The following WWC1 variants were observed in gnomAD, a reference collection of about 807,000 sequenced individuals.
WWC1 encodes protein KIBRA.
A neutral mutation model predicts 138.4 loss-of-function variants in WWC1; 55 were observed. The ratio of observed to expected loss-of-function variants is 0.40; its 90% CI spans 0.32 to 0.50. The LOEUF (loss-of-function observed/expected upper bound fraction) is 0.50, where lower values mean the gene tolerates loss of function less well. Ranked by LOEUF, WWC1 falls within the 20% of genes least tolerant of loss-of-function variation. WWC1 has a pLI of 0.72. For missense variants in WWC1, 1,226 were observed against 1,420.4 expected (o/e 0.86, Z 2.20); for synonymous variants, 524 against 564.9 (o/e 0.93, Z 1.03).
chr5:168,333,304 A>G (rs933473977), intron 1 of WWC1, among the ~76,000 whole-genome samples: 5 of 152,200 alleles, frequency 3.3e-5, no homozygotes, highest in Non-Finnish European at 5.9e-5. Flanking sequence ...TCCCCTATGT[A>G]TAATGTCAAG....
At chr5:168,435,906 G>C (rs1782313710) in intron 15 of WWC1, among the ~76,000 whole-genome samples, 1 of 151,640 alleles carries the variant, frequency 6.6e-6, no homozygotes, top group Non-Finnish European at 1.5e-5. Context: ...GCAATGGCGT[G>C]ATCTTGGCTC....
At chr5:168,340,962 A>G (rs1773990606) in intron 1 of WWC1, among the ~76,000 whole-genome samples, 1 of 152,194 alleles carries the variant, frequency 6.6e-6, no homozygotes, top group Non-Finnish European at 1.5e-5. Flanking sequence ...ATTAGAACTC[A>G]GGTAGTCTGC....
At chr5:168,449,609 TG>T (rs1755613838) in intron 17 of WWC1, among the ~76,000 whole-genome samples, 1 of 145,902 alleles carries the variant, frequency 6.9e-6, no homozygotes, top group Non-Finnish European at 1.5e-5. Flanking sequence ...GTTTCACTCT[TG>T]TTGCCCAGGC....
Position 168,428,874 on chromosome 5 carries a change from C to T in WWC1, c.2000+87C>T, listed in dbSNP as rs538322452. On this transcript the variant is annotated intron_variant, in intron 13 of 22. Coordinates refer to ENST00000265293, the MANE Select transcript of WWC1 (RefSeq NM_015238.3). Reference sequence around the variant, plus strand: ...CAGCGTTCCCCAGCATTTACCTTCACAGCCGCCCAGGGTGGAAGGCAGCAC... The same window carrying T: ...CAGCGTTCCCCAGCATTTACCTTCATAGCCGCCCAGGGTGGAAGGCAGCAC... 1,895 of 1,426,638 alleles carry T rather than the reference C, an allele frequency of 1.3e-3. 7 individuals are homozygous for T. The highest frequency in any genetic ancestry group is 1.6e-3 in the Non-Finnish European group (1,677 of 1,021,552). The allele number at this position is 1,426,638 out of a possible 1,614,324, so 88.4% of individuals were successfully genotyped here.
At chr5:168,386,377 C>CTTTTTTTTTTTTTTTTT (rs59691686) in intron 3 of WWC1, among the ~76,000 whole-genome samples, 1 of 143,936 alleles carries the variant, frequency 6.9e-6, no homozygotes, top group Non-Finnish European at 1.5e-5. Context: ...TCCCCTTGTT[C>CTTTTTTTTTTTTTTTTT]TTTTTTTTTT....
At chr5:168,461,626 G>A (rs10040267) in intron 20 of WWC1, among the ~76,000 whole-genome samples, 47,778 of 152,156 alleles carry the variant, frequency 0.31, 8,760 homozygotes, top group Middle Eastern at 0.44. Flanking sequence ...GCAAAGGAGC[G>A]ACCCCTGATT....
At chr5:168,442,462 A>G (rs1321564499) in intron 16 of WWC1, among the ~76,000 whole-genome samples, 1 of 147,736 alleles carries the variant, frequency 6.8e-6, no homozygotes, top group Non-Finnish European at 1.5e-5. Flanking sequence ...AAAAAATTTA[A>G]TTAAAAAAAA....
chr5:168,445,973 A>T (rs1456288636), intron 17 of WWC1, among the ~76,000 whole-genome samples: 1 of 152,140 alleles, frequency 6.6e-6, no homozygotes, highest in African/African-American at 2.4e-5. Context: ...CCACACAGCA[A>T]CTTTTGCTTG....
intron 9 of WWC1, among the ~76,000 whole-genome samples, chr5:168,417,691 G>C (rs1479729446): frequency 6.6e-6 from 1 of 152,228 alleles, no homozygotes; most frequent in African/African-American, 2.4e-5. Context: ...GCTAGTACAG[G>C]GAGGCCAGAA....
intron 1 of WWC1, among the ~76,000 whole-genome samples, chr5:168,352,796 C>T (rs1224668645): frequency 6.6e-6 from 1 of 152,010 alleles, no homozygotes; most frequent in African/African-American, 2.4e-5. Context: ...GTTGGTCAGG[C>T]TGGTCTTAAA....
chr5:168,400,129 TG>T (rs1779200465), intron 5 of WWC1, among the ~76,000 whole-genome samples: 1 of 149,040 alleles, frequency 6.7e-6, no homozygotes, highest in South Asian at 2.1e-4. Flanking sequence ...CCTTAGAAGC[TG>T]AGCTGTGGCC....
At chr5:168,448,849 G>T (rs1755533381) in intron 17 of WWC1, among the ~76,000 whole-genome samples, 1 of 152,026 alleles carries the variant, frequency 6.6e-6, no homozygotes, top group Non-Finnish European at 1.5e-5. Context: ...TCGATCTCCT[G>T]ACCTCGTGAT....
Position 168,455,340 on chromosome 5 carries a change from G to A in WWC1, c.2659-16G>A, listed in dbSNP as rs372010831. The A allele has an allele frequency of 3.8e-6, 6 of 1,559,482 alleles. No individual in the cohort carries two copies. Among genetic ancestry groups the A allele is most frequent in the Non-Finnish European group, 5.2e-6 (6 of 1,157,090 alleles). On this transcript the variant is annotated splice_polypyrimidine_tract_variant and intron_variant, in intron 18 of 22. Coordinates refer to ENST00000265293, the MANE Select transcript of WWC1 (RefSeq NM_015238.3). ...CTGTGGACACTGGTGGCTTCAAGGT[G>A]TGACTTCTTCCTCAGGTGGACAAAG... is the stretch of plus-strand genomic sequence containing the variant.
intron 1 of WWC1, among the ~76,000 whole-genome samples, chr5:168,352,276 C>T (rs1775029022): frequency 6.6e-6 from 1 of 152,136 alleles, no homozygotes; most frequent in Admixed American, 6.5e-5. Context: ...AAGTGAGAAC[C>T]ACTTAGTATG....
chr5:168,414,592 TG>T lies in WWC1; in HGVS notation c.1184+6del. 1 of 1,549,432 alleles carries T rather than the reference TG, an allele frequency of 6.5e-7. No homozygotes were observed. The highest frequency in any genetic ancestry group is 8.7e-7 in the Non-Finnish European group (1 of 1,147,120). On this transcript the variant is annotated splice_donor_region_variant and intron_variant, in intron 9 of 22. Transcript: ENST00000265293. ...CCAGAGCAAGGCGCTGACGGAGAGG[TG>T]GGGCTGGGGCCCCAGGGTGTGTAGG...
Position 168,292,244 on chromosome 5 carries a change from C to A in WWC1, c.92C>A (p.Thr31Asn). ...KVYYIDHTNR[T>N]TSWIDPRDRY... Reference sequence around the variant, plus strand: ...TACTACATAGACCACACGAACCGCACCACCAGCTGGATCGACCCGCGGGAC... The same window carrying A: ...TACTACATAGACCACACGAACCGCAACACCAGCTGGATCGACCCGCGGGAC... Residue 31 changes from threonine (T) to asparagine (N), a missense_variant, in exon 1 of 23, where the codon ACC (threonine) becomes AAC (asparagine). Physicochemically the swap from Thr to Asn is moderately conservative, Grantham distance 65. Transcript: ENST00000265293. This position sits in a 1 kb window ranked among gnomAD's most constrained non-coding sequence, Gnocchi z 4.4. The A allele has an allele frequency of 1.9e-6, 3 of 1,598,702 alleles. No individual in the cohort carries two copies. The highest frequency in any genetic ancestry group is 1.7e-6 in the Non-Finnish European group (2 of 1,173,284).
intron 9 of WWC1, among the ~76,000 whole-genome samples, chr5:168,418,332 TTGCTAG>T (rs1361705524): frequency 6.6e-6 from 1 of 152,154 alleles, no homozygotes; most frequent in African/African-American, 2.4e-5. Flanking sequence ...TGCAGGATAC[TTGCTAG>T]CGCACAGGCT....
rs762622814 is a variant in WWC1 at position 168,408,656 on chromosome 5, G to A, written c.867+3G>A. ...CCCAGACAGACATCTCGGGAAGCGT[G>A]AGTAGACGGGGCAGGTTGCTGGGGG... On this transcript the variant is annotated splice_donor_region_variant and intron_variant, in intron 7 of 22. Coordinates refer to ENST00000265293, the MANE Select transcript of WWC1 (RefSeq NM_015238.3). 2 of 1,613,880 alleles carry A rather than the reference G, an allele frequency of 1.2e-6. No homozygotes were observed. The highest frequency in any genetic ancestry group is 1.7e-6 in the Non-Finnish European group (2 of 1,179,914).
intron 10 of WWC1, among the ~76,000 whole-genome samples, chr5:168,422,963 C>T (rs1247026923): frequency 1.3e-5 from 2 of 151,754 alleles, no homozygotes; most frequent in Non-Finnish European, 2.9e-5. Context: ...CTGGGCAACA[C>T]GGTGAAACCC....
Sources: gnomAD v4.1 joint callset for allele counts (sites outside exome capture counted in the v4.1 genomes callset) on GRCh38, gnomAD v4.1.1 for gene constraint, Gnocchi (gnomAD v3.1) non-coding constraint, MANE v1.5 for transcripts, NCBI Gene and HGNC (gene_info 2026-07-23, HGNC 2026-07-21) for gene names.